FAM13C: variants seen among roughly 807,000 people sequenced by gnomAD.
FAM13C encodes the protein family with sequence similarity 13 member C, also known as protein FAM13C.
In FAM13C, 37 loss-of-function variants were observed where a neutral mutation model predicts 73.2. The observed-to-expected ratio is 0.51, with a 90% confidence interval of 0.39 to 0.67. The LOEUF (loss-of-function observed/expected upper bound fraction) is 0.67, where lower values mean the gene tolerates loss of function less well. FAM13C is among the 30% of genes least tolerant of loss of function. The pLI is 0.00. For synonymous variants in FAM13C, 246 were observed against 260.9 expected (o/e 0.94, Z 0.55); for missense variants, 589 against 715.6 (o/e 0.82, Z 2.02).
intron 4 of FAM13C, among the ~76,000 whole-genome samples, chr10:59,311,790 A>G (rs1466902150): frequency 6.6e-6 from 1 of 152,118 alleles, no homozygotes; most frequent in East Asian, 1.9e-4. Flanking sequence ...TCAGAGGGAT[A>G]AGTCTGAGAT....
chr10:59,262,326 CTAA>C (rs1160772121), intron 10 of FAM13C, 105 bp downstream of exon 10: 3 of 997,204 alleles, frequency 3.0e-6, no homozygotes, highest in Non-Finnish European at 3.0e-6. Flanking sequence ...TGGAGCCAGG[CTAA>C]TAAAAATATT....
At chr10:59,260,003 A>G (rs975731937) in intron 10 of FAM13C, among the ~76,000 whole-genome samples, 2 of 152,108 alleles carry the variant, frequency 1.3e-5, no homozygotes, top group African/African-American at 4.8e-5. Flanking sequence ...TTATGTTTTT[A>G]TCTACAACCC....
intron 4 of FAM13C, chr10:59,323,215 A>G: frequency 6.6e-6 from 1 of 152,310 alleles, no homozygotes; most frequent in East Asian, 1.9e-4. Flanking sequence ...AAGACAGCTG[A>G]CACAACTAGC....
chr10:59,314,187 AAGAT>A (rs1849260142), intron 4 of FAM13C, among the ~76,000 whole-genome samples: 1 of 152,190 alleles, frequency 6.6e-6, no homozygotes, highest in African/African-American at 2.4e-5. Context: ...CACTAGCAGC[AAGAT>A]AGATGTATTG....
intron 5 of FAM13C, among the ~76,000 whole-genome samples, chr10:59,287,425 G>T (rs576634815): frequency 1.3e-5 from 2 of 149,752 alleles, no homozygotes; most frequent in South Asian, 2.1e-4. Flanking sequence ...TGAATGAAAG[G>T]TAAAGTAAAA....
chr10:59,269,977 G>T lies in FAM13C; in HGVS notation c.725C>A (p.Ser242Tyr). 6.2e-7 allele frequency: 1 copy of T among 1,614,002 alleles called. No individual in the cohort carries two copies. Among genetic ancestry groups the T allele is most frequent in the South Asian group, 1.1e-5 (1 of 91,082 alleles). ...GAATCTCTGGCTTTGGCTGAAGATG[G>T]AGCATCGTGGCGACAGCAGTGGGTT... ...GDNPLLSPRC[S>Y]IFSQSQRFNL... The change falls in exon 7 of 14, where the codon TCC (serine) becomes TAC (tyrosine). Residue 242 changes from serine (S) to tyrosine (Y), a missense_variant. Physicochemically the swap from Ser to Tyr is moderately radical, Grantham distance 144. Coordinates refer to ENST00000618804, the MANE Select transcript of FAM13C (RefSeq NM_198215.4).
chr10:59,275,839 T>C (rs1019998251), intron 6 of FAM13C, among the ~76,000 whole-genome samples: 3 of 152,182 alleles, frequency 2.0e-5, no homozygotes, highest in African/African-American at 7.2e-5. Context: ...ATGTAAAAAG[T>C]AAATTAAAAA....
chr10:59,352,188 G>T, intron 3 of FAM13C, 82 bp downstream of exon 3: 2 of 1,500,372 alleles, frequency 1.3e-6, no homozygotes, highest in Non-Finnish European at 1.8e-6. Flanking sequence ...AAAACAGTGC[G>T]CTCAAATCGT....
rs752371603 is a variant in FAM13C at position 59,269,885 on chromosome 10, AAC to A, written c.803+12_803+13del. On this transcript the variant is annotated intron_variant, in intron 7 of 13. Coordinates refer to ENST00000618804, the MANE Select transcript of FAM13C (RefSeq NM_198215.4). ...CTGTATGAAATGAAGACAATAACAA[AAC>A]AGTTTTCTCACATCATAAACTGCTG... is the stretch of plus-strand genomic sequence containing the variant. The A allele has an allele frequency of 3.7e-6, 6 of 1,613,044 alleles. No homozygotes were observed. The Admixed American group carries it at 1.0e-4, about 27-fold the overall frequency.
chr10:59,259,541 A>G (rs1842276295), intron 10 of FAM13C, among the ~76,000 whole-genome samples: 2 of 152,128 alleles, frequency 1.3e-5, no homozygotes, highest in Non-Finnish European at 2.9e-5. Context: ...GTGGCTGACT[A>G]GCTACTACAT....
intron 10 of FAM13C, among the ~76,000 whole-genome samples, chr10:59,257,111 T>G (rs928754952): frequency 2.0e-5 from 3 of 152,178 alleles, no homozygotes; most frequent in East Asian, 1.9e-4. Context: ...AAAAGATGAT[T>G]ATTCTTCCAG....
chr10:59,338,674 C>T (rs1260518408), intron 3 of FAM13C, among the ~76,000 whole-genome samples: 1 of 152,150 alleles, frequency 6.6e-6, no homozygotes, highest in Non-Finnish European at 1.5e-5. Flanking sequence ...CTCAGCTTCC[C>T]CAAGGTAGAA....
At chr10:59,255,124 C>T (rs1235089758) in intron 10 of FAM13C, among the ~76,000 whole-genome samples, 1 of 152,152 alleles carries the variant, frequency 6.6e-6, no homozygotes, top group African/African-American at 2.4e-5. Flanking sequence ...TATGTAGTCA[C>T]AAATACCAAC....
At chr10:59,249,408 G>GAAAAAAAAAAAAAAAAAAAAAAAAA (rs71006241) in intron 13 of FAM13C, among the ~76,000 whole-genome samples, 1 of 99,162 alleles carries the variant, frequency 1.0e-5, no homozygotes, top group Non-Finnish European at 1.8e-5. Flanking sequence ...CGTCTCAAAA[G>GAAAAAAAAAAAAAAAAAAAAAAAAA]AAAAAAAAAA....
Position 59,253,016 on chromosome 10 carries a change from TAAAG to T in FAM13C, c.1333-22_1333-19del, listed in dbSNP as rs768712871. 1.3e-5 allele frequency: 21 copies of T among 1,612,078 alleles called. No homozygotes were observed. Among genetic ancestry groups the T allele is most frequent in the Admixed American group, 1.0e-4 (6 of 59,986 alleles). On this transcript the variant is annotated intron_variant, in intron 11 of 13. Coordinates refer to ENST00000618804, the MANE Select transcript of FAM13C (RefSeq NM_198215.4). ...TCCTCCTGCTTATCACAGGCAGAGT[TAAAG>T]AAAGAAAGTCATGTAATGCTCAGTG...
At chr10:59,355,819 AG>A (rs1434389949) in intron 2 of FAM13C, 67 bp downstream of exon 2, 7 of 1,406,044 alleles carry the variant, frequency 5.0e-6, no homozygotes, top group Non-Finnish European at 7.0e-6. Flanking sequence ...TAGAATTCAA[AG>A]GAAAGCCACC....
intron 2 of FAM13C, among the ~76,000 whole-genome samples, chr10:59,355,179 T>C (rs993057958): frequency 3.3e-5 from 5 of 152,160 alleles, no homozygotes; most frequent in Non-Finnish European, 1.5e-5. Flanking sequence ...TATTCTAGCC[T>C]ATCTCCTCTA....
chr10:59,305,857 C>CCCTTGAG (rs1253042169), intron 4 of FAM13C, among the ~76,000 whole-genome samples: 2 of 152,236 alleles, frequency 1.3e-5, no homozygotes, highest in Non-Finnish European at 2.9e-5. Flanking sequence ...TGCTGGCTCA[C>CCCTTGAG]ACATCTAATA....
At chr10:59,330,747 C>T (rs1222674087) in intron 3 of FAM13C, among the ~76,000 whole-genome samples, 1 of 152,128 alleles carries the variant, frequency 6.6e-6, no homozygotes, top group Admixed American at 6.6e-5. Context: ...CTCCAACTCT[C>T]CAATTGCAAC....
Sources: allele counts gnomAD v4.1 joint callset (sites outside exome capture counted in the v4.1 genomes callset), GRCh38; gene constraint gnomAD v4.1.1; transcripts MANE v1.5; gene names NCBI Gene and HGNC (gene_info 2026-07-23, HGNC 2026-07-21).